Variants in ABCB10 observed in about 807,000 individuals in gnomAD.
ABCB10 encodes ATP binding cassette subfamily B member 10, also known as ATP-binding cassette sub-family B member 10, mitochondrial.
Under a neutral mutation model 65.4 loss-of-function variants are expected in ABCB10, and 54 were observed. The ratio of observed to expected loss-of-function variants is 0.83; its 90% CI spans 0.66 to 1.04. The LOEUF is 1.04. ABCB10 is among the 50% of genes least tolerant of loss of function. The pLI, the probability that ABCB10 is intolerant of heterozygous loss-of-function variation, is 0.00. For synonymous variants in ABCB10, 418 were observed against 406.5 expected, an observed-to-expected ratio of 1.03 and a Z score of -0.34; for missense variants, 846 against 976.6, an observed-to-expected ratio of 0.87 and a Z score of 1.78.
intron 7 of ABCB10, among the ~76,000 whole-genome samples, chr1:229,530,936 T>C (rs1161065325): frequency 1.3e-5 from 2 of 152,222 alleles, no homozygotes; most frequent in African/African-American, 4.8e-5. Flanking sequence ...TCACCTACTG[T>C]GCTTTGGGAG....
At chr1:229,545,523 G>A (rs960874732) in intron 3 of ABCB10, among the ~76,000 whole-genome samples, 2 of 152,202 alleles carry the variant, frequency 1.3e-5, no homozygotes, top group South Asian at 4.1e-4. Context: ...CTTTTTAATT[G>A]TATTTAGGTT....
At position 229,528,563 on chromosome 1, in the gene ABCB10, C is replaced by A. The variant is rs578041200; in HGVS notation, c.1646-1255G>T. Among the ~76,000 whole-genome samples the A allele has an allele frequency of 1.1e-3, 172 of 152,300 alleles. 1 individual carries two copies. The highest frequency in any genetic ancestry group is 3.4e-3 in the Middle Eastern group (1 of 294). On this transcript the variant is annotated intron_variant, in intron 8 of 12. Transcript: ENST00000344517. ...CAATGTAGTAAGCCCCATTTTAACA[C>A]AGGTGGTGATTCCATGGGTCAGGAT... is the stretch of plus-strand genomic sequence containing the variant.
chr1:229,518,550 T>A, intron 12 of ABCB10, 140 bp from the exon 13 acceptor site: 1 of 723,186 alleles, frequency 1.4e-6, no homozygotes, highest in South Asian at 1.9e-5. Context: ...CTGATCTCCA[T>A]AAAACTATAC....
chr1:229,540,836 A>AT (rs1662825973), intron 4 of ABCB10, 84 bp from the exon 5 acceptor site: 7 of 1,436,918 alleles, frequency 4.9e-6, no homozygotes, highest in Non-Finnish European at 6.5e-6. Context: ...TGTGGTTCTC[A>AT]TTTTGTTATT....
rs143177165 is a variant in ABCB10 at position 229,530,403 on chromosome 1, C to A, written c.1441G>T (p.Val481Phe). Reference sequence around the variant, plus strand: ...TGGAAGCTTTTCTCATTTAAGATGACCCCCTCTGAAACATAAAATGGAATA... The same window carrying A: ...TGGAAGCTTTTCTCATTTAAGATGAACCCCTCTGAAACATAAAATGGAATA... ...REPKLPFNEG[V>F]ILNEKSFQGA... Residue 481 changes from valine (V) to phenylalanine (F), a missense_variant, in exon 8 of 13, where the codon GTC becomes TTC. Val to Phe is a conservative substitution (Grantham distance 50). Coordinates refer to ENST00000344517, the MANE Select transcript of ABCB10 (RefSeq NM_012089.3). 5.6e-6 allele frequency: 9 copies of A among 1,614,006 alleles called. No homozygotes were observed. The African/African-American group carries it at 8.0e-5, about 14-fold the overall frequency.
At position 229,558,168 on chromosome 1, in the gene ABCB10, C is replaced by T; in HGVS notation, c.485G>A (p.Gly162Glu). The T allele has an allele frequency of 7.0e-7, 1 of 1,436,402 alleles. No individual in the cohort carries two copies. Among genetic ancestry groups the T allele is most frequent in the East Asian group, 3.1e-5 (1 of 32,784 alleles). 89.0% of individuals were successfully genotyped at this position (1,436,402 alleles called of 1,614,324 possible). Reference sequence around the variant, plus strand: ...CCTCCGGCGCTCAGGGTACGCCAGCCCCAGGAGCTTCCGGGCCTCCGGGAG... The same window carrying T: ...CCTCCGGCGCTCAGGGTACGCCAGCTCCAGGAGCTTCCGGGCCTCCGGGAG... ...AGLPEARKLL[G>E]LAYPERRRLA... Residue 162 changes from glycine to glutamate, a missense_variant, in exon 1 of 13, where the codon GGG becomes GAG. By Grantham distance (98) the Gly-to-Glu change is moderately conservative. Around this residue, in one of 2 missense-constraint regions of ABCB10, gnomAD observed 632 missense variants for 803.2 expected, o/e 0.79. Transcript: ENST00000344517.
intron 1 of ABCB10, among the ~76,000 whole-genome samples, chr1:229,556,762 T>C (rs1486428180): frequency 6.6e-6 from 1 of 152,162 alleles, no homozygotes; most frequent in Non-Finnish European, 1.5e-5. Context: ...ACAGAAGTGG[T>C]GGGCGCACCC....
chr1:229,551,173 A>G (rs935640858), intron 1 of ABCB10, among the ~76,000 whole-genome samples: 5 of 152,200 alleles, frequency 3.3e-5, no homozygotes, highest in African/African-American at 1.2e-4. Flanking sequence ...TAGGAAAAAC[A>G]TGGGCCTTTT....
chr1:229,535,038 T>TAAAAAAAAAAAAAAAAAAAAAA lies in ABCB10; in HGVS notation c.1340-3329_1340-3308dup, dbSNP rs71173739. On this transcript the variant is annotated intron_variant, in intron 6 of 12. Transcript: ENST00000344517. The stretch of plus-strand genomic sequence containing the variant: ...CTGGGCAACAGAATGAGACTCCCTT[T>TAAAAAAAAAAAAAAAAAAAAAA]AAAAAAAAAAAAAAAAAAAAAAAAA... 4.4e-4 allele frequency: 21 copies of TAAAAAAAAAAAAAAAAAAAAAA among 47,500 alleles called. 1 individual carries two copies. Among genetic ancestry groups the TAAAAAAAAAAAAAAAAAAAAAA allele is most frequent in the African/African-American group, 1.6e-3 (21 of 13,090 alleles). 2.9% of individuals were successfully genotyped at this position (47,500 alleles called of 1,614,324 possible).
intron 1 of ABCB10, among the ~76,000 whole-genome samples, chr1:229,552,937 C>T (rs1418316065): frequency 6.6e-6 from 1 of 152,166 alleles, no homozygotes. Context: ...GAAGCACAGG[C>T]CTCACCTTGG....
chr1:229,546,197 G>C lies in ABCB10; in HGVS notation c.921+1302C>G, dbSNP rs539227537. Among the ~76,000 whole-genome samples, 376 of 147,894 alleles carry C rather than the reference G, an allele frequency of 2.5e-3. 2 individuals carry two copies. The highest frequency in any genetic ancestry group is 4.6e-3 in the Non-Finnish European group (308 of 67,096). ...AAAAAAAAAAAAAAAAAGCTTTTATGATGATCCACTTCCACTTAATAAATA... is the reference window on the plus strand; with the variant it reads ...AAAAAAAAAAAAAAAAAGCTTTTATCATGATCCACTTCCACTTAATAAATA... On this transcript the variant is annotated intron_variant, in intron 3 of 12. Coordinates refer to ENST00000344517, the MANE Select transcript of ABCB10 (RefSeq NM_012089.3).
chr1:229,531,903 T>A, intron 6 of ABCB10, 172 bp from the exon 7 acceptor site: 1 of 430,510 alleles, frequency 2.3e-6, no homozygotes, highest in Non-Finnish European at 4.1e-6. Flanking sequence ...ATTGCTTGTC[T>A]CATACTCTAG....
intron 3 of ABCB10, among the ~76,000 whole-genome samples, chr1:229,545,542 AT>A (rs1400015763): frequency 1.3e-5 from 2 of 152,226 alleles, no homozygotes; most frequent in African/African-American, 4.8e-5. Context: ...TTTAATTAAA[AT>A]TTAAAAGCCT....
intron 10 of ABCB10, among the ~76,000 whole-genome samples, chr1:229,524,676 T>C (rs1282819696): frequency 6.6e-6 from 1 of 152,210 alleles, no homozygotes; most frequent in Non-Finnish European, 1.5e-5. Flanking sequence ...AATCGCTCAC[T>C]TTGCCTCACA....
At chr1:229,528,797 C>G (rs10799537) in intron 8 of ABCB10, among the ~76,000 whole-genome samples, 46,293 of 151,750 alleles carry the variant, frequency 0.31, 8,767 homozygotes, top group African/African-American at 0.53. Flanking sequence ...CAAAGTGTTG[C>G]AATTACAGGT....
chr1:229,557,104 A>G (rs527959336), intron 1 of ABCB10, among the ~76,000 whole-genome samples: 13 of 152,330 alleles, frequency 8.5e-5, no homozygotes, highest in African/African-American at 3.1e-4. Flanking sequence ...AAAAGTCGCC[A>G]CCCTAACTGC....
At chr1:229,550,969 G>A (rs935708740) in intron 1 of ABCB10, among the ~76,000 whole-genome samples, 5 of 152,086 alleles carry the variant, frequency 3.3e-5, no homozygotes, top group African/African-American at 9.7e-5. Context: ...ATAGTGATGG[G>A]GGTCTCACTA....
intron 11 of ABCB10, among the ~76,000 whole-genome samples, chr1:229,520,063 G>A (rs1213430500): frequency 7.4e-6 from 1 of 136,024 alleles, no homozygotes; most frequent in East Asian, 2.2e-4. Flanking sequence ...AAGCCCAGGA[G>A]GTCAAGGCTA....
intron 6 of ABCB10, among the ~76,000 whole-genome samples, chr1:229,532,443 T>C (rs2102691126): frequency 6.6e-6 from 1 of 152,328 alleles, no homozygotes; most frequent in Admixed American, 6.5e-5. Flanking sequence ...TCAATGTTGA[T>C]TTTAAAGACA....
Sources: gnomAD v4.1 joint callset for allele counts (sites outside exome capture counted in the v4.1 genomes callset) on GRCh38, gnomAD v4.1.1 for gene constraint, gnomAD v4.1.1 regional missense constraint, MANE v1.5 for transcripts, NCBI Gene and HGNC (gene_info 2026-07-23, HGNC 2026-07-21) for gene names.